Variants in HTR4 observed in about 807,000 individuals in gnomAD.
HTR4 encodes the protein 5-hydroxytryptamine (serotonin) receptor 4, G protein-coupled.
In HTR4, 16 loss-of-function variants were observed where a neutral mutation model predicts 36.8. That is an observed-to-expected ratio of 0.43 (90% CI 0.29 to 0.66). The LOEUF (loss-of-function observed/expected upper bound fraction) is 0.66, where lower values mean the gene tolerates loss of function less well. Ranked by LOEUF, HTR4 falls within the 30% of genes least tolerant of loss-of-function variation. The probability of loss-of-function intolerance (pLI) is 0.13; values close to 1 mark genes in which losing one functional copy is unlikely to be tolerated. For synonymous variants in HTR4, 189 were observed against 185.1 expected (o/e 1.02, Z -0.17); for missense variants, 438 against 490.9 (o/e 0.89, Z 1.02).
intron 1 of HTR4, among the ~76,000 whole-genome samples, chr5:148,653,035 C>T (rs1024073765): frequency 1.6e-4 from 24 of 152,210 alleles, no homozygotes; most frequent in South Asian, 1.0e-3. Flanking sequence ...TCACCAGGAG[C>T]ACGCAGCAAC....
chr5:148,600,286 A>T (rs1359301207), intron 2 of HTR4, among the ~76,000 whole-genome samples: 2 of 147,986 alleles, frequency 1.4e-5, no homozygotes, highest in Non-Finnish European at 3.0e-5. Context: ...ACATATATAC[A>T]TATATAAACA....
At chr5:148,495,959 G>A (rs750007573) in intron 6 of HTR4, among the ~76,000 whole-genome samples, 3 of 152,002 alleles carry the variant, frequency 2.0e-5, no homozygotes, top group East Asian at 3.9e-4. Context: ...AAAATTAGCC[G>A]GGTTTGGTGG....
intron 2 of HTR4, among the ~76,000 whole-genome samples, chr5:148,591,138 T>C (rs1402254205): frequency 1.3e-5 from 2 of 152,220 alleles, no homozygotes; most frequent in South Asian, 2.1e-4. Context: ...CATATGGTCA[T>C]AGATGTGCAG....
Position 148,463,838 on chromosome 5 carries a change from T to C in HTR4, c.1077-12566A>G, listed in dbSNP as rs556910919. ...GATACTACCCAACTTCAAGACTTAA[T>C]ATAAAACTGCAGTAAATGAAGCAGT... On this transcript the variant is annotated intron_variant, in intron 5 of 5. Transcript: ENST00000521530. Among the ~76,000 whole-genome samples the C allele has an allele frequency of 7.9e-5, 12 of 152,094 alleles. No homozygotes were observed. In the South Asian group the frequency reaches 2.3e-3, roughly 29 times the overall value.
At chr5:148,642,220 C>A (rs1753749272) in intron 1 of HTR4, among the ~76,000 whole-genome samples, 1 of 152,136 alleles carries the variant, frequency 6.6e-6, no homozygotes, top group South Asian at 2.1e-4. Flanking sequence ...GGGAGCCTGA[C>A]ATAATGGAAT....
At chr5:148,653,846 C>T (rs1754111541) in intron 1 of HTR4, among the ~76,000 whole-genome samples, 1 of 152,198 alleles carries the variant, frequency 6.6e-6, no homozygotes, top group Admixed American at 6.5e-5. Flanking sequence ...CAGCCCCAAG[C>T]CTACAGTGAT....
chr5:148,637,977 T>C (rs1753604765), intron 1 of HTR4, among the ~76,000 whole-genome samples: 1 of 152,200 alleles, frequency 6.6e-6, no homozygotes, highest in African/African-American at 2.4e-5. Flanking sequence ...CACTCCTAGC[T>C]CTGATATTCT....
intron 2 of HTR4, among the ~76,000 whole-genome samples, chr5:148,577,907 C>A (rs974707164): frequency 6.6e-6 from 1 of 151,878 alleles, no homozygotes; most frequent in Non-Finnish European, 1.5e-5. Flanking sequence ...ATCTGTACAA[C>A]AAACTCCCAT....
intron 4 of HTR4, 47 bp from the exon 5 acceptor site, chr5:148,523,393 T>C: frequency 6.7e-7 from 1 of 1,497,008 alleles, no homozygotes. Flanking sequence ...CAAGGAGGAA[T>C]GGGAGGGAGA....
At chr5:148,476,491 T>C (rs892489257), downstream of HTR4, 15 of 1,077,720 alleles carry the variant, frequency 1.4e-5, no homozygotes, top group Non-Finnish European at 1.8e-5. Flanking sequence ...CAGAAAGAGT[T>C]TTCTCTTATC....
At position 148,483,105 on chromosome 5, in the gene HTR4, G is replaced by T. The variant is rs555202127; in HGVS notation, c.*98C>A. The T allele has an allele frequency of 6.4e-7, 1 of 1,571,474 alleles. No homozygotes were observed. The highest frequency in any genetic ancestry group is 1.4e-5 in the African/African-American group (1 of 74,026). ...TGCACTGGCGGACGGAAAGCCTCAG[G>T]TGAAGAGAATACCGGGTGCAGTCGC... On this transcript the variant is annotated 3_prime_UTR_variant, in exon 7 of 7. Transcript: ENST00000377888.
At chr5:148,648,529 A>G (rs1367894609) in intron 1 of HTR4, among the ~76,000 whole-genome samples, 2 of 152,224 alleles carry the variant, frequency 1.3e-5, no homozygotes, top group African/African-American at 4.8e-5. Flanking sequence ...TGTCTCTATT[A>G]CAAGCCACAG....
intron 6 of HTR4, among the ~76,000 whole-genome samples, chr5:148,499,380 A>C (rs1056080037): frequency 6.6e-6 from 1 of 152,164 alleles, no homozygotes; most frequent in Non-Finnish European, 1.5e-5. Context: ...GGGTGAGGAA[A>C]ATGAAGGTAT....
chr5:148,614,147 C>T (rs1029968109), intron 2 of HTR4, among the ~76,000 whole-genome samples: 1 of 152,124 alleles, frequency 6.6e-6, no homozygotes, highest in Non-Finnish European at 1.5e-5. Context: ...CATCAAGCTA[C>T]CAATGCCTTT....
At chr5:148,451,309 G>A in intron 5 of HTR4, 1 of 1,612,848 alleles carries the variant, frequency 6.2e-7, no homozygotes, top group Non-Finnish European at 8.5e-7. Flanking sequence ...GAATTCAACA[G>A]GCATGCTCCA....
chr5:148,594,169 C>T (rs770001874), intron 2 of HTR4, among the ~76,000 whole-genome samples: 4 of 152,028 alleles, frequency 2.6e-5, no homozygotes, highest in African/African-American at 4.8e-5. Context: ...ACAGTGTATG[C>T]GTTTAAACAT....
intron 2 of HTR4, chr5:148,629,264 A>G (rs1753233214): frequency 6.6e-6 from 1 of 152,162 alleles, no homozygotes; most frequent in Non-Finnish European, 1.5e-5. Context: ...AAAATTCATC[A>G]TAACACTACC....
At chr5:148,637,785 T>C (rs1266288002) in intron 1 of HTR4, among the ~76,000 whole-genome samples, 2 of 152,172 alleles carry the variant, frequency 1.3e-5, no homozygotes, top group Admixed American at 6.5e-5. Context: ...AATTGTTCAG[T>C]TCCATTTTTG....
intron 2 of HTR4, among the ~76,000 whole-genome samples, chr5:148,563,928 C>A (rs961456227): frequency 6.6e-6 from 1 of 152,270 alleles, no homozygotes; most frequent in East Asian, 1.9e-4. Flanking sequence ...GAATGAATGA[C>A]TGACTGAATG....
Sources: allele counts gnomAD v4.1 joint callset (sites outside exome capture counted in the v4.1 genomes callset), GRCh38; gene constraint gnomAD v4.1.1; transcripts MANE v1.5; gene names NCBI Gene and HGNC (gene_info 2026-07-23, HGNC 2026-07-21).